ANKS1B: variants seen among roughly 807,000 people sequenced by gnomAD.
ANKS1B encodes the protein ankyrin repeat and sterile alpha motif domain-containing protein 1B.
Under a neutral mutation model 148.3 loss-of-function variants are expected in ANKS1B, and 36 were observed. The ratio of observed to expected loss-of-function variants is 0.24; its 90% CI spans 0.19 to 0.32. The LOEUF (loss-of-function observed/expected upper bound fraction) is 0.32. Among genes scored for constraint, ANKS1B ranks in the 10% least tolerant of loss-of-function variants. ANKS1B has a pLI of 1.00. For synonymous variants in ANKS1B, 542 were observed against 560.8 expected (o/e 0.97, Z 0.47); for missense variants, 1,157 against 1,542.6 (o/e 0.75, Z 4.19).
intron 12 of ANKS1B, among the ~76,000 whole-genome samples, chr12:99,296,793 TTGAC>T (rs2080933517): frequency 6.6e-6 from 1 of 152,186 alleles, no homozygotes; most frequent in Non-Finnish European, 1.5e-5. Context: ...TGTCGAATGA[TTGAC>T]TATTTGACAA....
chr12:99,236,344 G>A (rs1239944419), intron 14 of ANKS1B, among the ~76,000 whole-genome samples: 3 of 152,202 alleles, frequency 2.0e-5, no homozygotes, highest in Non-Finnish European at 2.9e-5. Context: ...AAAGAAAAGA[G>A]GTTTAACTGA....
intron 5 of ANKS1B, among the ~76,000 whole-genome samples, chr12:99,780,300 G>A (rs1033597750): frequency 4.0e-5 from 6 of 151,804 alleles, no homozygotes; most frequent in African/African-American, 1.2e-4. Context: ...TTTTGAGACG[G>A]AGTCTCACTC....
chr12:98,978,626 AGTCATGTTTTTAT>A (rs1282545234), intron 17 of ANKS1B, among the ~76,000 whole-genome samples: 12 of 152,092 alleles, frequency 7.9e-5, no homozygotes, highest in African/African-American at 2.9e-4. Context: ...TAATTCATAT[AGTCATGTTTTTAT>A]GTCAGATATT....
At chr12:99,047,736 A>G (rs149000874) in intron 17 of ANKS1B, among the ~76,000 whole-genome samples, 119 of 152,324 alleles carry the variant, frequency 7.8e-4, no homozygotes, top group African/African-American at 2.7e-3. Flanking sequence ...TGTTTCATGA[A>G]TGAAGGCAAA....
At chr12:99,596,282 C>T (rs1005077483) in intron 9 of ANKS1B, among the ~76,000 whole-genome samples, 26 of 151,920 alleles carry the variant, frequency 1.7e-4, no homozygotes, top group African/African-American at 6.3e-4. Flanking sequence ...TTCTTTCAAT[C>T]TTCTCATGGT....
intron 11 of ANKS1B, among the ~76,000 whole-genome samples, chr12:99,422,131 T>C (rs2152716448): frequency 6.6e-6 from 1 of 152,264 alleles, no homozygotes; most frequent in Middle Eastern, 3.4e-3. Context: ...TTTAGAGCAA[T>C]GCAAGAATGT....
At chr12:99,648,859 C>T (rs1005960365) in intron 9 of ANKS1B, 4 of 1,503,670 alleles carry the variant, frequency 2.7e-6, no homozygotes, top group Non-Finnish European at 2.7e-6. Flanking sequence ...CCTGTAAAGC[C>T]TTTGGTGCTG....
chr12:99,800,955 C>T (rs1019996932), intron 4 of ANKS1B, among the ~76,000 whole-genome samples: 3 of 151,952 alleles, frequency 2.0e-5, no homozygotes, highest in East Asian at 1.9e-4. Context: ...TGGGACACTC[C>T]GATGCTTAGA....
chr12:99,545,554 A>G (rs1038314434), intron 9 of ANKS1B, among the ~76,000 whole-genome samples: 2 of 152,030 alleles, frequency 1.3e-5, no homozygotes, highest in South Asian at 2.1e-4. Context: ...ATGAAGAACT[A>G]AATTTAAGGC....
chr12:99,666,369 C>T (rs146646329), intron 8 of ANKS1B, among the ~76,000 whole-genome samples: 47 of 152,294 alleles, frequency 3.1e-4, no homozygotes, highest in Admixed American at 2.9e-3. Flanking sequence ...GTCCATAGTA[C>T]AATTTGGGGA....
At chr12:98,972,163 G>T (rs1340249470) in intron 17 of ANKS1B, among the ~76,000 whole-genome samples, 1 of 149,620 alleles carries the variant, frequency 6.7e-6, no homozygotes, top group African/African-American at 2.5e-5. Context: ...GCGAGACTCT[G>T]TCTCAAACTA....
intron 17 of ANKS1B, among the ~76,000 whole-genome samples, chr12:98,855,739 G>A (rs1305793291): frequency 1.3e-5 from 2 of 151,518 alleles, no homozygotes; most frequent in Admixed American, 1.3e-4. Context: ...AAATCAAACT[G>A]GCTCTTGGCC....
At chr12:99,644,014 C>A (rs1567548130) in intron 9 of ANKS1B, among the ~76,000 whole-genome samples, 1 of 152,138 alleles carries the variant, frequency 6.6e-6, no homozygotes, top group Non-Finnish European at 1.5e-5. Context: ...GTCCTGGTTT[C>A]TTTGAGTTTA....
intron 9 of ANKS1B, among the ~76,000 whole-genome samples, chr12:99,510,767 A>G (rs1280720180): frequency 2.0e-5 from 3 of 152,064 alleles, no homozygotes; most frequent in Non-Finnish European, 2.9e-5. Flanking sequence ...GTAAAATGCT[A>G]TCAAACAGCT....
chr12:98,741,869 C>T (rs1293026470), downstream of ANKS1B, among the ~76,000 whole-genome samples: 3 of 152,228 alleles, frequency 2.0e-5, no homozygotes, highest in Non-Finnish European at 2.9e-5. Flanking sequence ...ACGTGTCTTA[C>T]TGCCACTTGA....
intron 15 of ANKS1B, among the ~76,000 whole-genome samples, chr12:99,122,396 T>C (rs1450870793): frequency 1.3e-5 from 2 of 152,222 alleles, no homozygotes; most frequent in Admixed American, 6.5e-5. Flanking sequence ...TGAAACTCTA[T>C]CAAAAGCCAT....
At chr12:99,842,065 TTC>T (rs1394905920) in intron 1 of ANKS1B, among the ~76,000 whole-genome samples, 1 of 152,174 alleles carries the variant, frequency 6.6e-6, no homozygotes, top group African/African-American at 2.4e-5. Flanking sequence ...TTTAATTTTA[TTC>T]TTTCTTATTC....
intron 1 of ANKS1B, among the ~76,000 whole-genome samples, chr12:99,980,518 G>A (rs1474963942): frequency 6.6e-6 from 1 of 151,822 alleles, no homozygotes; most frequent in South Asian, 2.1e-4. Context: ...GCTGTCCTTG[G>A]TTTTCTTATT....
intron 12 of ANKS1B, among the ~76,000 whole-genome samples, chr12:99,385,813 AAAGT>A (rs1390475814): frequency 1.3e-5 from 2 of 152,238 alleles, no homozygotes; most frequent in Admixed American, 6.5e-5. Flanking sequence ...AAATTTAAAT[AAAGT>A]AAGTACTTTT....
Sources: allele counts gnomAD v4.1 joint callset (sites outside exome capture counted in the v4.1 genomes callset), GRCh38; gene constraint gnomAD v4.1.1; transcripts MANE v1.5; gene names NCBI Gene and HGNC (gene_info 2026-07-23, HGNC 2026-07-21).